Variants in UVRAG observed in about 807,000 individuals in gnomAD.
The protein encoded by UVRAG is UV radiation resistance associated.
In UVRAG, 19 loss-of-function variants were observed where a neutral mutation model predicts 78.0. The ratio of observed to expected loss-of-function variants is 0.24; its 90% CI spans 0.17 to 0.36. UVRAG has a LOEUF of 0.36. Among genes scored for constraint, UVRAG ranks in the 10% least tolerant of loss-of-function variants. UVRAG has a pLI of 1.00. For synonymous variants in UVRAG, 323 were observed against 324.6 expected (o/e 1.00, Z 0.05); for missense variants, 740 against 853.8 (o/e 0.87, Z 1.66).
chr11:76,115,751 C>T, intron 13 of UVRAG, 173 bp from the exon 14 acceptor site: 1 of 590,160 alleles, frequency 1.7e-6, no homozygotes, highest in Admixed American at 2.9e-5. Context: ...CATACACGTG[C>T]TTATCTATAT....
At chr11:76,076,745 T>C (rs1400925167) in intron 13 of UVRAG, among the ~76,000 whole-genome samples, 1 of 152,208 alleles carries the variant, frequency 6.6e-6, no homozygotes, top group Non-Finnish European at 1.5e-5. Flanking sequence ...TGGCCATTTG[T>C]ATATCTTCTT....
chr11:75,894,643 A>G (rs946935525), intron 5 of UVRAG, among the ~76,000 whole-genome samples: 1 of 151,796 alleles, frequency 6.6e-6, no homozygotes, highest in Non-Finnish European at 1.5e-5. Context: ...ATCCCAAGTG[A>G]TCCGTCCTCC....
At chr11:76,076,274 A>G (rs537841254) in intron 13 of UVRAG, among the ~76,000 whole-genome samples, 1 of 152,310 alleles carries the variant, frequency 6.6e-6, no homozygotes, top group South Asian at 2.1e-4. Flanking sequence ...ATGACTGGGT[A>G]ATTTATAAAG....
intron 6 of UVRAG, among the ~76,000 whole-genome samples, chr11:75,938,403 T>A (rs1383445569): frequency 6.6e-6 from 1 of 152,234 alleles, no homozygotes. Flanking sequence ...TATACAGTCA[T>A]TTTTAATTGG....
intron 13 of UVRAG, among the ~76,000 whole-genome samples, chr11:76,099,071 A>G (rs1951834663): frequency 6.6e-6 from 1 of 152,138 alleles, no homozygotes; most frequent in Admixed American, 6.6e-5. Flanking sequence ...CTTCTTTCAG[A>G]TAATGGCTTA....
chr11:76,040,644 C>G (rs1249560930), intron 12 of UVRAG, among the ~76,000 whole-genome samples: 1 of 151,992 alleles, frequency 6.6e-6, no homozygotes, highest in Non-Finnish European at 1.5e-5. Context: ...CAACCTCTGC[C>G]TCCTGGGATC....
intron 12 of UVRAG, among the ~76,000 whole-genome samples, chr11:76,036,734 TAA>T (rs533006435): frequency 1.4e-5 from 2 of 142,850 alleles, no homozygotes; most frequent in African/African-American, 2.6e-5. Context: ...GTGGCTGAGT[TAA>T]AAAAAAAAAC....
intron 13 of UVRAG, among the ~76,000 whole-genome samples, chr11:76,075,252 G>A (rs765525237): frequency 4.0e-5 from 6 of 149,034 alleles, no homozygotes; most frequent in Non-Finnish European, 5.9e-5. Flanking sequence ...TTTATAAAAA[G>A]TACTAAATTT....
chr11:76,135,673 G>A (rs1952587184), intron 14 of UVRAG, among the ~76,000 whole-genome samples: 1 of 152,178 alleles, frequency 6.6e-6, no homozygotes, highest in African/African-American at 2.4e-5. Context: ...CATGTTTCCA[G>A]TTTGGAGCTA....
intron 12 of UVRAG, among the ~76,000 whole-genome samples, chr11:76,061,960 A>G (rs1951103184): frequency 6.6e-6 from 1 of 152,216 alleles, no homozygotes; most frequent in Admixed American, 6.5e-5. Context: ...AAGCTACTGT[A>G]AATTACCAGA....
chr11:75,986,422 C>T lies in UVRAG; in HGVS notation c.826+2909C>T, dbSNP rs114417394. Among the ~76,000 whole-genome samples, 560 of 151,868 alleles carry T rather than the reference C, an allele frequency of 3.7e-3. 2 individuals carry two copies. The highest frequency in any genetic ancestry group is 0.012 in the African/African-American group (497 of 41,392). On this transcript the variant is annotated intron_variant, in intron 8 of 14. Coordinates refer to ENST00000356136, the MANE Select transcript of UVRAG (RefSeq NM_003369.4). Reference sequence around the variant, plus strand: ...TTATTATGTTTAAAGAAAAATTCACCGGAAGCCTTATAGACAGATTAGTAA... The same window carrying T: ...TTATTATGTTTAAAGAAAAATTCACTGGAAGCCTTATAGACAGATTAGTAA...
At chr11:75,900,171 C>A (rs915033528) in intron 5 of UVRAG, among the ~76,000 whole-genome samples, 1 of 152,136 alleles carries the variant, frequency 6.6e-6, no homozygotes, top group African/African-American at 2.4e-5. Flanking sequence ...GTTTTAGATT[C>A]TTGAGAAGTA....
intron 9 of UVRAG, among the ~76,000 whole-genome samples, chr11:76,005,334 C>T (rs1372247412): frequency 2.6e-5 from 4 of 151,586 alleles, no homozygotes; most frequent in Middle Eastern, 3.4e-3. Context: ...CAGAGCGAGA[C>T]GCCATCTTAA....
chr11:76,102,704 T>C (rs1290323750), intron 13 of UVRAG, among the ~76,000 whole-genome samples: 1 of 152,156 alleles, frequency 6.6e-6, no homozygotes, highest in Non-Finnish European at 1.5e-5. Context: ...TGACTGTAGG[T>C]TTGTCATAGA....
intron 8 of UVRAG, among the ~76,000 whole-genome samples, chr11:75,992,744 T>C (rs1047155171): frequency 3.3e-5 from 5 of 152,242 alleles, no homozygotes; most frequent in African/African-American, 1.2e-4. Flanking sequence ...ATTATATGCT[T>C]GTGTTGAACA....
At chr11:75,902,216 C>T (rs1235376072) in intron 5 of UVRAG, among the ~76,000 whole-genome samples, 1 of 152,202 alleles carries the variant, frequency 6.6e-6, no homozygotes, top group Non-Finnish European at 1.5e-5. Flanking sequence ...TCAGCAGTCC[C>T]CAACCTTTTT....
chr11:76,134,981 A>G (rs1031588089), intron 14 of UVRAG, among the ~76,000 whole-genome samples: 1 of 152,170 alleles, frequency 6.6e-6, no homozygotes, highest in Non-Finnish European at 1.5e-5. Context: ...CAGATCAGCC[A>G]TGGTATTAGA....
intron 13 of UVRAG, among the ~76,000 whole-genome samples, chr11:76,084,912 A>C (rs968207126): frequency 3.9e-4 from 59 of 151,872 alleles, no homozygotes; most frequent in African/African-American, 1.4e-3. Context: ...TGCCCCCCAA[A>C]AATTAGCCAG....
intron 8 of UVRAG, among the ~76,000 whole-genome samples, chr11:76,000,744 T>G (rs1949798690): frequency 6.6e-6 from 1 of 152,188 alleles, no homozygotes; most frequent in African/African-American, 2.4e-5. Context: ...AAAGTAGACT[T>G]CAAAACAAGG....
Sources: gnomAD v4.1 joint callset for allele counts (sites outside exome capture counted in the v4.1 genomes callset) on GRCh38, gnomAD v4.1.1 for gene constraint, MANE v1.5 for transcripts, NCBI Gene and HGNC (gene_info 2026-07-23, HGNC 2026-07-21) for gene names.